Variants in CACHD1 observed in about 807,000 individuals in gnomAD.
CACHD1 encodes VWFA and cache domain-containing protein 1.
In CACHD1, 71 loss-of-function variants were observed where a neutral mutation model predicts 138.7. That is an observed-to-expected ratio of 0.51 (90% CI 0.42 to 0.62). The LOEUF (loss-of-function observed/expected upper bound fraction) is 0.62, where lower values mean the gene tolerates loss of function less well. Ranked by LOEUF, CACHD1 falls within the 20% of genes least tolerant of loss-of-function variation. The probability of loss-of-function intolerance (pLI) is 0.00; values close to 1 mark genes in which losing one functional copy is unlikely to be tolerated. For missense variants in CACHD1, 1,389 were observed against 1,625.3 expected, an observed-to-expected ratio of 0.85 and a Z score of 2.50; for synonymous variants, 578 against 591.5, an observed-to-expected ratio of 0.98 and a Z score of 0.33.
Position 64,692,341 on chromosome 1 carries a change from G to C in CACHD1, c.*780G>C, listed in dbSNP as rs1034008069. ...ATTTCACGGAAACACATCTTTGTTT[G>C]TAATGCAGTATTCTTTCTCTGTGTT... On this transcript the variant is annotated 3_prime_UTR_variant, in exon 27 of 27. Transcript: ENST00000651257. 2.0e-5 allele frequency: 3 copies of C among 152,164 alleles called. No individual in the cohort carries two copies. The highest frequency in any genetic ancestry group is 7.2e-5 in the African/African-American group (3 of 41,438). 9.4% of individuals were successfully genotyped at this position (152,164 alleles called of 1,614,324 possible). A position where few individuals can be genotyped will look rare whatever the true frequency, so the allele number is the denominator to read the frequency against.
At chr1:64,623,010 G>A (rs948975621) in intron 4 of CACHD1, among the ~76,000 whole-genome samples, 1 of 152,132 alleles carries the variant, frequency 6.6e-6, no homozygotes, top group Non-Finnish European at 1.5e-5. Flanking sequence ...CTTAATCAAG[G>A]CAGTGGTGTT....
chr1:64,681,380 T>C, intron 25 of CACHD1, 45 bp downstream of exon 25: 2 of 1,404,370 alleles, frequency 1.4e-6, no homozygotes, highest in African/African-American at 1.4e-5. Context: ...AGCAGGAGGC[T>C]AATCCAGAAT....
Position 64,523,933 on chromosome 1 carries a change from ATT to A in CACHD1, c.199-26659_199-26658del, listed in dbSNP as rs1646517481. On this transcript the variant is annotated intron_variant, in intron 1 of 26. Transcript: ENST00000651257. ...CAGTAAATGGAGTAGATGAGTCTTT[ATT>A]TATCCAAGAACAAGATTCTTGCATA... Among the ~76,000 whole-genome samples, 5 of 36,878 alleles carry A rather than the reference ATT, an allele frequency of 1.4e-4. No individual in the cohort carries two copies. In the Admixed American group the frequency reaches 3.5e-3, roughly 25 times the overall value. 24.2% of individuals were successfully genotyped at this position (36,878 alleles called of 152,430 possible). A position where few individuals can be genotyped will look rare whatever the true frequency, so the allele number is the denominator to read the frequency against.
intron 2 of CACHD1, among the ~76,000 whole-genome samples, chr1:64,570,109 C>A (rs948641186): frequency 1.3e-5 from 2 of 152,130 alleles, no homozygotes; most frequent in African/African-American, 2.4e-5. Context: ...ATAAACTCAT[C>A]TGAGAACATA....
intron 7 of CACHD1, among the ~76,000 whole-genome samples, chr1:64,635,017 A>AG (rs1648468092): frequency 1.3e-5 from 2 of 149,712 alleles, no homozygotes; most frequent in Non-Finnish European, 3.0e-5. Context: ...AAAAAAAAAA[A>AG]GATTTGGGAT....
At position 64,602,888 on chromosome 1, in the gene CACHD1, A is replaced by G; in HGVS notation, c.493A>G (p.Asn165Asp). 1.2e-6 allele frequency: 2 copies of G among 1,612,868 alleles called. No individual in the cohort carries two copies. The highest frequency in any genetic ancestry group is 1.7e-6 in the Non-Finnish European group (2 of 1,178,940). ...TACTACTGTTAATAGCCGGGCCTTC[A>G]ATCCAGGACGAGACTTAAATTCAGG... ...LSTTVNSRAF[N>D]PGRDLNSVLA... is the part of the protein sequence containing the mutation. The change falls in exon 4 of 27, where the codon AAT becomes GAT. Residue 165 changes from asparagine to aspartate, a missense_variant. Coordinates refer to ENST00000651257, the MANE Select transcript of CACHD1 (RefSeq NM_020925.4).
intron 3 of CACHD1, among the ~76,000 whole-genome samples, chr1:64,583,693 GT>G (rs1647029468): frequency 6.6e-6 from 1 of 152,190 alleles, no homozygotes; most frequent in South Asian, 2.1e-4. Flanking sequence ...TGGACTTACA[GT>G]TCCACATGGC....
rs199862686 is a variant in CACHD1 at position 64,679,694 on chromosome 1, A to T, written c.3344A>T (p.Tyr1115Phe). Residue 1115 changes from tyrosine (Y) to phenylalanine (F), a missense_variant, in exon 24 of 27, where the codon TAT (tyrosine) becomes TTT (phenylalanine). Tyr to Phe is a conservative substitution (Grantham distance 22). Around this residue, in one of 5 missense-constraint regions of CACHD1, gnomAD observed 250 missense variants for 292.9 expected, o/e 0.85. Coordinates refer to ENST00000651257, the MANE Select transcript of CACHD1 (RefSeq NM_020925.4). ...GCIMVLVLAV[Y>F]AYRHQIHRRS... is the part of the protein sequence containing the mutation. ...ATCATGGTCTTGGTCCTGGCGGTGT[A>T]TGCCTACCGCCACCAGATTCATCGC... is the stretch of plus-strand genomic sequence containing the variant. The T allele has an allele frequency of 1.5e-5, 24 of 1,614,110 alleles. No homozygotes were observed. In the Admixed American group the frequency reaches 2.3e-4, roughly 16 times the overall value.
intron 3 of CACHD1, among the ~76,000 whole-genome samples, chr1:64,599,120 A>T (rs1647189402): frequency 6.6e-6 from 1 of 151,984 alleles, no homozygotes; most frequent in African/African-American, 2.4e-5. Context: ...CCAGACACTA[A>T]ATCTGCCAGT....
intron 1 of CACHD1, among the ~76,000 whole-genome samples, chr1:64,529,402 A>G (rs1412517129): frequency 1.3e-5 from 2 of 152,142 alleles, no homozygotes; most frequent in East Asian, 1.9e-4. Context: ...TTTATTCTCA[A>G]TACTCCATTT....
chr1:64,622,100 C>T (rs755861294), intron 4 of CACHD1, among the ~76,000 whole-genome samples: 6 of 152,142 alleles, frequency 3.9e-5, no homozygotes, highest in Admixed American at 6.5e-5. Context: ...AGGCCTTTTC[C>T]AAGTGGCTTC....
chr1:64,692,482 A>C lies in CACHD1; in HGVS notation c.*921A>C, dbSNP rs1472632833. 6.6e-6 allele frequency: 1 copy of C among 152,200 alleles called. No homozygotes were observed. Among genetic ancestry groups the C allele is most frequent in the African/African-American group, 2.4e-5 (1 of 41,454 alleles). The allele number at this position is 152,200 out of a possible 1,614,324, so 9.4% of individuals were successfully genotyped here. The stretch of plus-strand genomic sequence containing the variant: ...TATTCTTAGGTTTCTACGAAACCTA[A>C]TGTTAGAACCGCATCCTTTCAGCTA... On this transcript the variant is annotated 3_prime_UTR_variant, in exon 27 of 27. Transcript: ENST00000651257.
chr1:64,630,619 C>T (rs1436719521), intron 5 of CACHD1, among the ~76,000 whole-genome samples: 1 of 152,106 alleles, frequency 6.6e-6, no homozygotes, highest in Non-Finnish European at 1.5e-5. Context: ...GTGGTTTCTT[C>T]CTTTCCCTCC....
At chr1:64,487,584 G>A (rs1646250575) in intron 1 of CACHD1, among the ~76,000 whole-genome samples, 1 of 152,026 alleles carries the variant, frequency 6.6e-6, no homozygotes, top group Non-Finnish European at 1.5e-5. Context: ...TACAGGGAAT[G>A]ATTTTGATCA....
intron 1 of CACHD1, among the ~76,000 whole-genome samples, chr1:64,523,668 T>C (rs889131675): frequency 6.6e-6 from 1 of 152,238 alleles, no homozygotes; most frequent in African/African-American, 2.4e-5. Flanking sequence ...TGCAGGGTTA[T>C]GTGAGTCTTT....
At chr1:64,502,137 T>C (rs1331716603) in intron 1 of CACHD1, among the ~76,000 whole-genome samples, 3 of 152,248 alleles carry the variant, frequency 2.0e-5, no homozygotes, top group Non-Finnish European at 4.4e-5. Flanking sequence ...TTCCTTGTTT[T>C]GAATAGAGAA....
chr1:64,644,323 T>A (rs902402955), intron 8 of CACHD1, among the ~76,000 whole-genome samples: 1 of 152,236 alleles, frequency 6.6e-6, no homozygotes, highest in Non-Finnish European at 1.5e-5. Flanking sequence ...GTACTGAGGT[T>A]TCAGAGCTGT....
intron 1 of CACHD1, among the ~76,000 whole-genome samples, chr1:64,547,069 A>G (rs1402187901): frequency 6.6e-6 from 1 of 152,172 alleles, no homozygotes; most frequent in South Asian, 2.1e-4. Flanking sequence ...TTAGGCCTCA[A>G]TGCTTTAACT....
At chr1:64,586,373 C>G (rs185463104) in intron 3 of CACHD1, among the ~76,000 whole-genome samples, 19 of 152,346 alleles carry the variant, frequency 1.2e-4, no homozygotes, top group Middle Eastern at 3.4e-3. Flanking sequence ...CTGCACCCAG[C>G]TGACACTTTC....
Sources: allele counts gnomAD v4.1 joint callset (sites outside exome capture counted in the v4.1 genomes callset), GRCh38; gene constraint gnomAD v4.1.1; regional missense constraint gnomAD v4.1.1; transcripts MANE v1.5; gene names NCBI Gene and HGNC (gene_info 2026-07-23, HGNC 2026-07-21).